The following NF1 variants were observed in gnomAD, a reference collection of about 807,000 sequenced individuals.
NF1 encodes the protein neurofibromin 1, also known as neurofibromin.
A neutral mutation model predicts 325.7 loss-of-function variants in NF1; 122 were observed. That is an observed-to-expected ratio of 0.37 (90% CI 0.32 to 0.44). The LOEUF (loss-of-function observed/expected upper bound fraction) is 0.44, where lower values mean the gene tolerates loss of function less well. NF1 is among the 20% of genes least tolerant of loss of function. The probability of loss-of-function intolerance (pLI) is 1.00; values close to 1 mark genes in which losing one functional copy is unlikely to be tolerated. For synonymous variants in NF1, 1,091 were observed against 1,186.0 expected, an observed-to-expected ratio of 0.92 and a Z score of 1.65; for missense variants, 2,140 against 3,415.4, an observed-to-expected ratio of 0.63 and a Z score of 9.31.
chr17:31,330,226 G>T (rs929126436), intron 38 of NF1, 70 bp from the exon 39 acceptor site: 1 of 1,281,106 alleles, frequency 7.8e-7, no homozygotes, highest in African/African-American at 1.5e-5. Context: ...CAAATTGTAT[G>T]TTATGAAAAA....
rs542362140 is a variant in NF1, at chr17:31,360,475, T to C, written c.8161-12T>C. 1 of 1,612,226 alleles carries C rather than the reference T, an allele frequency of 6.2e-7. No homozygotes were observed. The highest frequency in any genetic ancestry group is 1.7e-5 in the Admixed American group (1 of 60,020). On this transcript the variant is annotated splice_polypyrimidine_tract_variant and intron_variant, in intron 56 of 57. Coordinates refer to ENST00000358273, the MANE Select transcript of NF1 (RefSeq NM_001042492.3). ...AAAAGGAACTAAAATAATTTCCTAT[T>C]TTCCATTACAGCAAACACAAATTCC...
At chr17:31,337,125 T>C (rs1356210596) in intron 42 of NF1, among the ~76,000 whole-genome samples, 2 of 152,212 alleles carry the variant, frequency 1.3e-5, no homozygotes, top group Non-Finnish European at 2.9e-5. Flanking sequence ...ATACTTGTCA[T>C]GTAGAGTTAT....
In NF1 at chr17:31,095,101, C is replaced by A. The variant is rs886052790; in HGVS notation, c.-209C>A. 1.3e-5 allele frequency: 6 copies of A among 476,278 alleles called. No homozygotes were observed. Among genetic ancestry groups the A allele is most frequent in the African/African-American group, 4.1e-5 (2 of 48,912 alleles). The allele number at this position is 476,278 out of a possible 1,614,324, so 29.5% of individuals were successfully genotyped here. ...GTCCCCTTCCCCTATCCCCCTCCCC[C>A]CAGCCTCCTTGCCAACGCCCCCTTT... On this transcript the variant is annotated 5_prime_UTR_variant, in exon 1 of 58. Transcript: ENST00000358273.
chr17:31,259,244 G>A (rs1238294319), intron 33 of NF1, 115 bp downstream of exon 33: 19 of 690,438 alleles, frequency 2.8e-5, no homozygotes, highest in Non-Finnish European at 4.3e-5. Flanking sequence ...TTCTTTTCCT[G>A]CTCTAGGTCA....
chr17:31,131,757 AT>A (rs1246464532), intron 1 of NF1, among the ~76,000 whole-genome samples: 1 of 151,962 alleles, frequency 6.6e-6, no homozygotes, highest in African/African-American at 2.4e-5. Flanking sequence ...TTGGTTTGTA[AT>A]TTTCTTATAT....
intron 12 of NF1, among the ~76,000 whole-genome samples, chr17:31,208,780 A>G (rs760007569): frequency 1.3e-5 from 2 of 152,000 alleles, no homozygotes; most frequent in Non-Finnish European, 2.9e-5. Flanking sequence ...AATTCCAGCT[A>G]CTCAGGAGGC....
chr17:31,291,248 T>C (rs563050169), intron 36 of NF1, among the ~76,000 whole-genome samples: 2 of 152,282 alleles, frequency 1.3e-5, no homozygotes, highest in Non-Finnish European at 2.9e-5. Context: ...GACTAAATAT[T>C]TGTTGAGTGA....
chr17:31,336,434 A>G lies in NF1; in HGVS notation c.6108A>G (p.Val2036=), dbSNP rs754819047. ...IKAEVMADTA[V]ALASGNVKLV... ...CTGAGGTGATGGCAGATACTGCTGT[A>G]GCTTTGGCTTCTGGAAATGTGAAAT... Residue 2036 remains valine (V), a synonymous_variant, in exon 41 of 58, where the codon GTA becomes GTG. Transcript: ENST00000358273. This position sits in a 1 kb window ranked among gnomAD's most constrained non-coding sequence, Gnocchi z 5.5. The G allele has an allele frequency of 6.2e-7, 1 of 1,614,144 alleles. No individual in the cohort carries two copies. The highest frequency in any genetic ancestry group is 1.1e-5 in the South Asian group (1 of 91,080).
intron 36 of NF1, among the ~76,000 whole-genome samples, chr17:31,268,537 G>A (rs113615164): frequency 0.048 from 7,265 of 151,292 alleles, 232 homozygotes; most frequent in Non-Finnish European, 0.077. Context: ...TGAGGCAGGG[G>A]AATTGCTTGA....
intron 29 of NF1, among the ~76,000 whole-genome samples, chr17:31,240,598 T>C (rs1320628200): frequency 6.6e-6 from 1 of 152,200 alleles, no homozygotes; most frequent in Non-Finnish European, 1.5e-5. Context: ...ATATACCTAG[T>C]AGTGAGATTT....
intron 57 of NF1, among the ~76,000 whole-genome samples, chr17:31,365,702 C>A (rs185509221): frequency 1.3e-5 from 2 of 152,242 alleles, no homozygotes; most frequent in African/African-American, 4.8e-5. Flanking sequence ...GGGCATGATA[C>A]CTGCCTTCAA....
chr17:31,124,066 A>G (rs62068818), intron 1 of NF1, among the ~76,000 whole-genome samples: 47 of 152,056 alleles, frequency 3.1e-4, no homozygotes, highest in Non-Finnish European at 5.3e-4. Context: ...ATCCCATTCT[A>G]TCCTTTCTGT....
intron 5 of NF1, among the ~76,000 whole-genome samples, chr17:31,171,638 A>C (rs2065929958): frequency 1.3e-5 from 2 of 152,220 alleles, no homozygotes; most frequent in Non-Finnish European, 2.9e-5. Flanking sequence ...CGGCTCCCTC[A>C]TGAACATAAA....
At chr17:31,145,059 C>T (rs2905792) in intron 1 of NF1, among the ~76,000 whole-genome samples, 150,964 of 152,370 alleles carry the variant, frequency 0.99, 74,840 homozygotes, top group Middle Eastern at 1. Flanking sequence ...TTTTCCTCTT[C>T]GTTCCCTTTG....
chr17:31,107,810 A>G (rs1567792751), intron 1 of NF1, among the ~76,000 whole-genome samples: 1 of 152,026 alleles, frequency 6.6e-6, no homozygotes, highest in East Asian at 1.9e-4. Context: ...CCAATGTTGT[A>G]TGAGGGCATT....
chr17:31,154,748 T>A (rs992728428), intron 1 of NF1, among the ~76,000 whole-genome samples: 1 of 147,572 alleles, frequency 6.8e-6, no homozygotes, highest in East Asian at 2.0e-4. Flanking sequence ...TTTTTTTTTT[T>A]TTTTTTATTT....
intron 4 of NF1, among the ~76,000 whole-genome samples, chr17:31,166,132 G>T (rs1247663764): frequency 6.6e-6 from 1 of 152,130 alleles, no homozygotes; most frequent in Non-Finnish European, 1.5e-5. Flanking sequence ...TTTGTAGTGA[G>T]AAGGTGCTTC....
chr17:31,304,100 T>A (rs17879264), intron 36 of NF1: 16,527 of 604,980 alleles, frequency 0.027, 917 homozygotes, highest in African/African-American at 0.17. Flanking sequence ...TAACTTTTTT[T>A]AAAAAAAAGT....
chr17:31,139,087 G>A (rs541537201), intron 1 of NF1, among the ~76,000 whole-genome samples: 16 of 151,842 alleles, frequency 1.1e-4, no homozygotes, highest in African/African-American at 3.6e-4. Context: ...TCATTCTCTC[G>A]CCCAAGCTAG....
Sources: gnomAD v4.1 joint callset for allele counts (sites outside exome capture counted in the v4.1 genomes callset) on GRCh38, gnomAD v4.1.1 for gene constraint, Gnocchi (gnomAD v3.1) non-coding constraint, MANE v1.5 for transcripts, NCBI Gene and HGNC (gene_info 2026-07-23, HGNC 2026-07-21) for gene names.